Variants in TYW3 observed in about 807,000 individuals in gnomAD.
TYW3 encodes the protein tRNA-yW synthesizing protein 3 homolog.
TYW3 carries 26 observed loss-of-function variants against 23.1 expected under a neutral mutation model. The observed-to-expected ratio is 1.13, with a 90% CI of 0.83 to 1.56. The LOEUF is 1.56. TYW3 is among the 40% of genes most tolerant of loss of function. The probability of loss-of-function intolerance (pLI) is 0.00; values close to 1 mark genes in which losing one functional copy is unlikely to be tolerated. For missense variants in TYW3, 316 were observed against 311.9 expected, an observed-to-expected ratio of 1.01 and a Z score of -0.10; for synonymous variants, 102 against 105.7, an observed-to-expected ratio of 0.97 and a Z score of 0.21.
rs536270993 is a variant in TYW3 at position 74,737,083 on chromosome 1, T to A, written c.255+461T>A. 2.6e-5 allele frequency among the ~76,000 whole-genome samples: 4 copies of A among 152,342 alleles called. No individual in the cohort carries two copies. In the East Asian group the frequency reaches 7.7e-4, roughly 29 times the overall value. ...AGTTTCCTAAGGTAAAGAGTTTAGA[T>A]GAATTCATAAGTTTTTATCAGCCAG... On this transcript the variant is annotated intron_variant, in intron 2 of 5. Coordinates refer to ENST00000370867, the MANE Select transcript of TYW3 (RefSeq NM_138467.3).
chr1:74,744,921 G>A (rs955516099), intron 3 of TYW3, among the ~76,000 whole-genome samples: 5 of 151,754 alleles, frequency 3.3e-5, no homozygotes, highest in African/African-American at 7.3e-5. Flanking sequence ...TGTTCATCCC[G>A]GTGGGTTCAT....
In TYW3 at chr1:74,764,273, C is replaced by A; in HGVS notation, c.*160C>A. 1.7e-6 allele frequency: 1 copy of A among 599,452 alleles called. No individual in the cohort carries two copies. Among genetic ancestry groups the A allele is most frequent in the Non-Finnish European group, 2.8e-6 (1 of 354,340 alleles). The allele number at this position is 599,452 out of a possible 1,614,324, so 37.1% of individuals were successfully genotyped here. On this transcript the variant is annotated 3_prime_UTR_variant, in exon 6 of 6. Coordinates refer to ENST00000370867, the MANE Select transcript of TYW3 (RefSeq NM_138467.3). ...ATAACTTTGTTGCCCAGAGGATGTG[C>A]AGTTGTCATCTAAGCTCTCAGCAGT...
At chr1:74,756,379 C>T (rs1047107608) in intron 5 of TYW3, among the ~76,000 whole-genome samples, 1 of 152,086 alleles carries the variant, frequency 6.6e-6, no homozygotes, top group Admixed American at 6.5e-5. Context: ...ATGATATGGA[C>T]AAGGAAATCC....
Position 74,765,817 on chromosome 1 carries a change from T to C in TYW3, c.*1704T>C, listed in dbSNP as rs890252779. On this transcript the variant is annotated 3_prime_UTR_variant, in exon 6 of 6. Coordinates refer to ENST00000370867, the MANE Select transcript of TYW3 (RefSeq NM_138467.3). ...TATTTTAAAGATTCCATAAACTGAA[T>C]ATATGAATGAGAATTAAGAAGAGAG... 4 of 152,132 alleles carry C rather than the reference T, an allele frequency of 2.6e-5. No individual in the cohort carries two copies. The highest frequency in any genetic ancestry group is 9.7e-5 in the African/African-American group (4 of 41,430). 9.4% of individuals were successfully genotyped at this position (152,132 alleles called of 1,614,324 possible).
In TYW3 at chr1:74,736,545, A is replaced by G; in HGVS notation, c.178A>G (p.Ile60Val). The change falls in exon 2 of 6, where the codon ATA becomes GTA. Residue 60 changes from isoleucine (I) to valine (V), a missense_variant. Transcript: ENST00000370867. ...AGRILLLDRG[I>V]NGFEVQKQNC... ...ATTATGTTATTTTTTATTTTAGGGT[A>G]TAAATGGTTTTGAGGTTCAGAAACA... 3 of 1,594,182 alleles carry G rather than the reference A, an allele frequency of 1.9e-6. No homozygotes were observed. Among genetic ancestry groups the G allele is most frequent in the Non-Finnish European group, 2.6e-6 (3 of 1,170,392 alleles).
In TYW3 at chr1:74,764,578, T is replaced by C. The variant is rs147284891; in HGVS notation, c.*465T>C. 1 of 153,014 alleles carries C rather than the reference T, an allele frequency of 6.5e-6. No homozygotes were observed. The highest frequency in any genetic ancestry group is 1.9e-4 in the East Asian group (1 of 5,188). 9.5% of individuals were successfully genotyped at this position (153,014 alleles called of 1,614,324 possible). On this transcript the variant is annotated 3_prime_UTR_variant, in exon 6 of 6. Transcript: ENST00000370867. ...GATATGCCAGAAATTATATCTTTGGTTGTGATTTAAACTTATGCTATAAAC... is the reference window on the plus strand; with the variant it reads ...GATATGCCAGAAATTATATCTTTGGCTGTGATTTAAACTTATGCTATAAAC...
intron 3 of TYW3, among the ~76,000 whole-genome samples, chr1:74,743,414 G>A (rs1027253483): frequency 1.3e-5 from 2 of 152,036 alleles, no homozygotes; most frequent in African/African-American, 4.8e-5. Context: ...CTTGCTTTTG[G>A]AGCTTTCTTC....
At chr1:74,750,665 A>G (rs1277001272) in intron 4 of TYW3, among the ~76,000 whole-genome samples, 1 of 152,160 alleles carries the variant, frequency 6.6e-6, no homozygotes, top group East Asian at 1.9e-4. Flanking sequence ...TCGTCTTCCA[A>G]TTACATACTT....
intron 3 of TYW3, among the ~76,000 whole-genome samples, chr1:74,739,477 G>T (rs1254258315): frequency 2.0e-5 from 3 of 152,218 alleles, no homozygotes; most frequent in African/African-American, 7.2e-5. Flanking sequence ...TCTCTGAAAA[G>T]CTTTCTTTAA....
At chr1:74,739,993 G>T (rs1648295260) in intron 3 of TYW3, among the ~76,000 whole-genome samples, 1 of 152,206 alleles carries the variant, frequency 6.6e-6, no homozygotes, top group African/African-American at 2.4e-5. Context: ...TAGCTGTATG[G>T]TAGTCGCCTT....
chr1:74,747,890 CAT>C (rs974253487), intron 3 of TYW3, among the ~76,000 whole-genome samples: 20 of 151,466 alleles, frequency 1.3e-4, no homozygotes, highest in African/African-American at 4.1e-4. Flanking sequence ...CACATATACA[CAT>C]ATACACACAT....
At chr1:74,750,224 T>C (rs1648733236) in intron 4 of TYW3, 1 of 152,180 alleles carries the variant, frequency 6.6e-6, no homozygotes. Flanking sequence ...TTAGGTCTTC[T>C]CCTTGAGTCC....
At position 74,760,745 on chromosome 1, in the gene TYW3, A is replaced by C. The variant is rs1570082717; in HGVS notation, c.561-3149A>C. Among the ~76,000 whole-genome samples the C allele has an allele frequency of 3.9e-5, 6 of 152,242 alleles. No individual in the cohort carries two copies. The South Asian group carries it at 1.2e-3, about 31-fold the overall frequency. On this transcript the variant is annotated intron_variant, in intron 5 of 5. Coordinates refer to ENST00000370867, the MANE Select transcript of TYW3 (RefSeq NM_138467.3). ...TTTTTTAAAGAAAATGCTAGTTAAA[A>C]TCTAAATACATATTAGAATAGCCTT...
At chr1:74,741,031 C>G (rs1374830312) in intron 3 of TYW3, among the ~76,000 whole-genome samples, 1 of 152,152 alleles carries the variant, frequency 6.6e-6, no homozygotes, top group Non-Finnish European at 1.5e-5. Context: ...TAGTGTCCTC[C>G]AGAGGGGAAC....
intron 5 of TYW3, among the ~76,000 whole-genome samples, chr1:74,757,492 T>C (rs1158869456): frequency 1.3e-5 from 2 of 152,234 alleles, no homozygotes; most frequent in Non-Finnish European, 2.9e-5. Context: ...CCATGGGGCC[T>C]GTAGCCCTTT....
At chr1:74,747,703 A>ATG (rs372001258) in intron 3 of TYW3, among the ~76,000 whole-genome samples, 32 of 151,528 alleles carry the variant, frequency 2.1e-4, no homozygotes, top group Admixed American at 7.9e-4. Context: ...ATGTATACAT[A>ATG]TGTGTGTGTG....
rs758768617 is a variant in TYW3, at chr1:74,752,358, G to C, written c.493G>C (p.Glu165Gln). The change falls in exon 5 of 6, where the codon GAA (glutamate) becomes CAA (glutamine). Residue 165 changes from glutamate (E) to glutamine (Q), a missense_variant. Glu to Gln is a conservative substitution (Grantham distance 29). Transcript: ENST00000370867. Reference protein sequence around the residue: ...SHKGKLMVTEEYIDFLLNVAN... With the variant: ...SHKGKLMVTEQYIDFLLNVAN... ...TAAGGGAAAACTGATGGTGACAGAGGAATATATTGACTTCCTGTTAAATGT... is the reference window on the plus strand; with the variant it reads ...TAAGGGAAAACTGATGGTGACAGAGCAATATATTGACTTCCTGTTAAATGT... 6.2e-7 allele frequency: 1 copy of C among 1,613,362 alleles called. No individual in the cohort carries two copies. Among genetic ancestry groups the C allele is most frequent in the South Asian group, 1.1e-5 (1 of 90,948 alleles).
chr1:74,752,006 T>G (rs1289074453), intron 4 of TYW3, among the ~76,000 whole-genome samples: 2 of 152,246 alleles, frequency 1.3e-5, no homozygotes, highest in Non-Finnish European at 2.9e-5. Flanking sequence ...TAAGCTATAG[T>G]GAGATTGAAA....
At chr1:74,738,533 A>G (rs1648231570) in intron 2 of TYW3, among the ~76,000 whole-genome samples, 157 bp from the exon 3 acceptor site, 2 of 152,218 alleles carry the variant, frequency 1.3e-5, no homozygotes, top group South Asian at 2.1e-4. Context: ...ATTTTTGGTG[A>G]AAAAGGACCA....
Sources: allele counts gnomAD v4.1 joint callset (sites outside exome capture counted in the v4.1 genomes callset), GRCh38; gene constraint gnomAD v4.1.1; transcripts MANE v1.5; gene names NCBI Gene and HGNC (gene_info 2026-07-23, HGNC 2026-07-21).